KALRN: variants seen among roughly 807,000 people sequenced by gnomAD.
KALRN encodes the protein kalirin.
A neutral mutation model predicts 353.7 loss-of-function variants in KALRN; 70 were observed. That is an observed-to-expected ratio of 0.20 (90% CI 0.16 to 0.24). The LOEUF (loss-of-function observed/expected upper bound fraction) is 0.24. KALRN is among the 10% of genes least tolerant of loss of function. The pLI, the probability that KALRN is intolerant of heterozygous loss-of-function variation, is 1.00. For missense variants in KALRN, 2,791 were observed against 3,756.7 expected, an observed-to-expected ratio of 0.74 and a Z score of 6.72; for synonymous variants, 1,391 against 1,434.8, an observed-to-expected ratio of 0.97 and a Z score of 0.69.
At chr3:124,426,614 G>A (rs952470714) in intron 15 of KALRN, among the ~76,000 whole-genome samples, 1 of 152,150 alleles carries the variant, frequency 6.6e-6, no homozygotes, top group Admixed American at 6.5e-5. Flanking sequence ...TTTTCTTTCT[G>A]AGGGTTTATG....
At chr3:124,096,311 C>T (rs1482186466) in intron 1 of KALRN, 2 of 152,180 alleles carry the variant, frequency 1.3e-5, no homozygotes, top group African/African-American at 4.8e-5. Context: ...AAATACTTAT[C>T]CCAGTGCATG....
intron 34 of KALRN, among the ~76,000 whole-genome samples, chr3:124,604,671 G>A (rs7628897): frequency 1.3e-5 from 2 of 151,726 alleles, no homozygotes; most frequent in Non-Finnish European, 2.9e-5. Flanking sequence ...TTTTAATTTC[G>A]TTTAAAATTT....
intron 1 of KALRN, among the ~76,000 whole-genome samples, chr3:124,052,947 T>C (rs1030775144): frequency 6.6e-6 from 1 of 152,104 alleles, no homozygotes; most frequent in Non-Finnish European, 1.5e-5. Context: ...ATAAACATCA[T>C]GGAGAATTAG....
At chr3:124,507,756 G>A (rs2065392949) in intron 33 of KALRN, among the ~76,000 whole-genome samples, 1 of 152,200 alleles carries the variant, frequency 6.6e-6, no homozygotes, top group African/African-American at 2.4e-5. Flanking sequence ...CTTTAAGCCA[G>A]TTGTTGTGCT....
intron 47 of KALRN, 115 bp from the exon 48 acceptor site, chr3:124,671,545 A>G: frequency 1.4e-6 from 1 of 703,606 alleles, no homozygotes; most frequent in Non-Finnish European, 2.5e-6. Flanking sequence ...AAACAAGGGT[A>G]GTGTTTTTCT....
chr3:124,315,293 A>G (rs562472588), intron 6 of KALRN, among the ~76,000 whole-genome samples: 1 of 152,052 alleles, frequency 6.6e-6, no homozygotes, highest in South Asian at 2.1e-4. Context: ...ATTGGTTCCT[A>G]TTCAAACAGG....
intron 1 of KALRN, among the ~76,000 whole-genome samples, chr3:124,131,390 G>A (rs2065258038): frequency 6.6e-6 from 1 of 152,174 alleles, no homozygotes; most frequent in African/African-American, 2.4e-5. Flanking sequence ...AGACCTTCCA[G>A]TCACTCCTCT....
intron 1 of KALRN, among the ~76,000 whole-genome samples, chr3:124,046,054 G>A (rs980985274): frequency 6.6e-6 from 1 of 152,154 alleles, no homozygotes; most frequent in Non-Finnish European, 1.5e-5. Context: ...ATAGGTGTAT[G>A]TTTCTTTTGT....
At chr3:124,415,484 C>T in intron 14 of KALRN, among the ~76,000 whole-genome samples, 1 of 152,258 alleles carries the variant, frequency 6.6e-6, no homozygotes, top group East Asian at 1.9e-4. Context: ...CATACCTGAA[C>T]TCATTACATC....
At position 124,664,371 on chromosome 3, in the gene KALRN, G is replaced by GTGCGCGCGCGCGCGCA. The variant is rs780486751; in HGVS notation, c.6346-2078_6346-2077insTGCGCGCGCGCGCGCA. Among the ~76,000 whole-genome samples, 18 of 77,074 alleles carry GTGCGCGCGCGCGCGCA rather than the reference G, an allele frequency of 2.3e-4. No homozygotes were observed. The East Asian group carries it at 2.9e-3, about 12-fold the overall frequency. 50.6% of individuals were successfully genotyped at this position (77,074 alleles called of 152,430 possible). A position where few individuals can be genotyped will look rare whatever the true frequency, so the allele number is the denominator to read the frequency against. On this transcript the variant is annotated intron_variant, in intron 45 of 59. Transcript: ENST00000682506. Reference sequence around the variant, plus strand: ...TGTGTGTGTGTGTGTGTGTGTGTGTGCGCGCGCGCGCATATAAGGGCACCC... The same window carrying GTGCGCGCGCGCGCGCA: ...TGTGTGTGTGTGTGTGTGTGTGTGTGTGCGCGCGCGCGCGCACGCGCGCGCGCATATAAGGGCACCC...
At chr3:124,298,739 C>A in intron 5 of KALRN, 52 bp from the exon 6 acceptor site, 1 of 1,610,052 alleles carries the variant, frequency 6.2e-7, no homozygotes, top group Admixed American at 1.7e-5. Context: ...AAGTTTTGCC[C>A]TATTCGACCC....
chr3:124,576,895 A>G (rs952342111), intron 34 of KALRN, among the ~76,000 whole-genome samples: 1 of 152,208 alleles, frequency 6.6e-6, no homozygotes, highest in East Asian at 1.9e-4. Context: ...TACTTTGGGA[A>G]CACTTTGACC....
intron 1 of KALRN, among the ~76,000 whole-genome samples, chr3:124,051,302 G>A (rs1395320578): frequency 6.6e-6 from 1 of 152,200 alleles, no homozygotes; most frequent in African/African-American, 2.4e-5. Flanking sequence ...CTTTCTGAGA[G>A]GTTGGTGTTT....
At chr3:124,613,077 G>A (rs1261562196) in intron 34 of KALRN, among the ~76,000 whole-genome samples, 2 of 152,180 alleles carry the variant, frequency 1.3e-5, no homozygotes, top group Non-Finnish European at 2.9e-5. Context: ...CATGGAGCCA[G>A]GGGTTTTAGC....
intron 11 of KALRN, among the ~76,000 whole-genome samples, chr3:124,394,047 G>A (rs1458583813): frequency 6.6e-6 from 1 of 152,228 alleles, no homozygotes; most frequent in African/African-American, 2.4e-5. Context: ...ACTTCAAGAT[G>A]TTAGAATCAG....
intron 1 of KALRN, among the ~76,000 whole-genome samples, chr3:124,101,913 CAT>C (rs1156405914): frequency 3.9e-5 from 6 of 152,090 alleles, no homozygotes; most frequent in Non-Finnish European, 8.8e-5. Flanking sequence ...TTAACTATTG[CAT>C]ATGTGTGCCC....
At chr3:124,205,049 T>C (rs1053846894) in intron 1 of KALRN, among the ~76,000 whole-genome samples, 2 of 152,214 alleles carry the variant, frequency 1.3e-5, no homozygotes, top group African/African-American at 4.8e-5. Context: ...TCCTTATTAT[T>C]GGTCCTGAAA....
At chr3:124,519,689 T>C in intron 33 of KALRN, 1 of 985,448 alleles carries the variant, frequency 1.0e-6, no homozygotes, top group Non-Finnish European at 1.2e-6. Context: ...CAAAGTGTCA[T>C]TCTCTGGAAT....
intron 1 of KALRN, among the ~76,000 whole-genome samples, chr3:124,217,545 C>A (rs1281473543): frequency 9.2e-5 from 14 of 152,104 alleles, no homozygotes; most frequent in Admixed American, 9.2e-4. Flanking sequence ...ACCAAAAAAA[C>A]CTCTCTTCTG....
Sources: gnomAD v4.1 joint callset for allele counts (sites outside exome capture counted in the v4.1 genomes callset) on GRCh38, gnomAD v4.1.1 for gene constraint, MANE v1.5 for transcripts, NCBI Gene and HGNC (gene_info 2026-07-23, HGNC 2026-07-21) for gene names.